Variants in SPATA13 observed in about 807,000 individuals in gnomAD.
SPATA13 encodes the protein spermatogenesis associated 13.
A neutral mutation model predicts 104.0 loss-of-function variants in SPATA13; 50 were observed. The ratio of observed to expected loss-of-function variants is 0.48; its 90% CI spans 0.38 to 0.61. The LOEUF is 0.61. SPATA13 is among the 20% of genes least tolerant of loss of function. SPATA13 has a pLI of 0.00. For missense variants in SPATA13, 1,524 were observed against 1,690.6 expected, an observed-to-expected ratio of 0.90 and a Z score of 1.73; for synonymous variants, 606 against 667.5, an observed-to-expected ratio of 0.91 and a Z score of 1.42.
chr13:24,264,959 G>GA (rs1874227262), intron 4 of SPATA13, among the ~76,000 whole-genome samples: 1 of 152,230 alleles, frequency 6.6e-6, no homozygotes, highest in African/African-American at 2.4e-5. Flanking sequence ...GGTGAATGAT[G>GA]AAGGGGTTCA....
In SPATA13 at chr13:24,054,111, G is replaced by A. The variant is rs536548328; in HGVS notation, c.-112+36410G>A. 6.0e-3 allele frequency among the ~76,000 whole-genome samples: 913 copies of A among 152,108 alleles called. 16 individuals are homozygous for A. Among genetic ancestry groups the A allele is most frequent in the African/African-American group, 0.019 (799 of 41,492 alleles). ...ATGGAGAGGGCAGCATGGAGGAGGAGGTGAAGAAGCCCACAAAGAGGAGTC... is the reference window on the plus strand; with the variant it reads ...ATGGAGAGGGCAGCATGGAGGAGGAAGTGAAGAAGCCCACAAAGAGGAGTC... On this transcript the variant is annotated intron_variant, in intron 3 of 14. Coordinates refer to the SPATA13 transcript ENST00000424834.
intron 3 of SPATA13, among the ~76,000 whole-genome samples, chr13:24,018,591 G>A (rs1340645518): frequency 6.6e-6 from 1 of 152,214 alleles, no homozygotes; most frequent in Admixed American, 6.5e-5. Flanking sequence ...CGCATTAATA[G>A]CCAATGATGA....
chr13:24,018,291 A>G (rs576079374), intron 3 of SPATA13, among the ~76,000 whole-genome samples: 23 of 152,316 alleles, frequency 1.5e-4, no homozygotes, highest in Middle Eastern at 3.4e-3. Flanking sequence ...TCATAGTTGT[A>G]AGGTCAAAAT....
At position 24,223,522 on chromosome 13, in the gene SPATA13, A is replaced by C. The variant is rs1593434974; in HGVS notation, c.593A>C (p.His198Pro). ...DTDDAFQRST[H>P]RSRSLRRAYG... ...GACGATGCCTTCCAGCGGAGCACAC[A>C]CCGCTCCCGCAGCCTCCGCAGAGCC... Residue 198 changes from histidine (H) to proline (P), a missense_variant, in exon 2 of 13, where the codon CAC becomes CCC. Physicochemically the swap from His to Pro is moderately conservative, Grantham distance 77 (BLOSUM62 -2). Transcript: ENST00000382108. 6.5e-7 allele frequency: 1 copy of C among 1,548,282 alleles called. No individual in the cohort carries two copies. The highest frequency in any genetic ancestry group is 8.7e-7 in the Non-Finnish European group (1 of 1,146,952).
chr13:24,249,800 T>C lies in SPATA13; in HGVS notation c.1977T>C (p.Tyr659=). 6.2e-7 allele frequency: 1 copy of C among 1,613,292 alleles called. No homozygotes were observed. The highest frequency in any genetic ancestry group is 1.1e-5 in the South Asian group (1 of 91,042). The change falls in exon 3 of 13, where the codon TAT becomes TAC. Residue 659 remains tyrosine (Y), a synonymous_variant. Coordinates refer to ENST00000382108, the MANE Select transcript of SPATA13 (RefSeq NM_001166271.3). ...CCGTGATAGGTGGGGTCAGCTTGTA[T>C]GGGACCAACCAGACGGAGGAACTGG... ...PISVIGGVSL[Y]GTNQTEELDN...
chr13:24,133,926 G>A (rs1260940542), intron 3 of SPATA13, among the ~76,000 whole-genome samples: 3 of 152,226 alleles, frequency 2.0e-5, no homozygotes, highest in Non-Finnish European at 4.4e-5. Flanking sequence ...CCAGAGTGGG[G>A]GTTTCGTGAG....
At chr13:24,147,731 T>G (rs1881977868) in intron 3 of SPATA13, among the ~76,000 whole-genome samples, 1 of 151,930 alleles carries the variant, frequency 6.6e-6, no homozygotes, top group South Asian at 2.1e-4. Flanking sequence ...TGAAACCCTG[T>G]ACCCATTAAA....
intron 3 of SPATA13, among the ~76,000 whole-genome samples, chr13:24,022,997 C>T (rs894370001): frequency 6.6e-5 from 10 of 151,998 alleles, no homozygotes; most frequent in African/African-American, 1.9e-4. Context: ...CGTGCAAGCT[C>T]GTTACATAGG....
At chr13:24,041,297 T>C (rs534551041) in intron 3 of SPATA13, among the ~76,000 whole-genome samples, 10 of 152,244 alleles carry the variant, frequency 6.6e-5, no homozygotes, top group Non-Finnish European at 1.2e-4. Context: ...ACAAAGGACG[T>C]TTCAACCTGA....
intron 1 of SPATA13, among the ~76,000 whole-genome samples, chr13:24,174,704 G>C (rs567213854): frequency 4.5e-4 from 68 of 152,228 alleles, no homozygotes; most frequent in African/African-American, 1.6e-3. Context: ...AGTCTCCCAA[G>C]TAGCTGGGAC....
chr13:24,128,103 A>G (rs2137831776), intron 3 of SPATA13, among the ~76,000 whole-genome samples: 1 of 152,166 alleles, frequency 6.6e-6, no homozygotes, highest in East Asian at 1.9e-4. Flanking sequence ...TGAGCCTCTG[A>G]CATATCAACT....
At chr13:24,269,689 C>T (rs1013482706) in intron 4 of SPATA13, among the ~76,000 whole-genome samples, 5 of 151,854 alleles carry the variant, frequency 3.3e-5, no homozygotes, top group Admixed American at 6.6e-5. Flanking sequence ...CCACCTCAGC[C>T]TCCTGAGTAG....
intron 4 of SPATA13, among the ~76,000 whole-genome samples, chr13:24,268,302 A>T (rs1317461638): frequency 2.0e-5 from 3 of 152,186 alleles, no homozygotes; most frequent in Non-Finnish European, 4.4e-5. Flanking sequence ...TACTTAGGAG[A>T]CTTTACACGA....
intron 2 of SPATA13, among the ~76,000 whole-genome samples, chr13:24,009,464 GT>G (rs1181076161): frequency 1.3e-5 from 2 of 152,194 alleles, no homozygotes; most frequent in African/African-American, 4.8e-5. Context: ...CTACAGCCTA[GT>G]TTTATACATT....
At chr13:24,258,702 T>C (rs372601879) in intron 4 of SPATA13, among the ~76,000 whole-genome samples, 68 of 152,054 alleles carry the variant, frequency 4.5e-4, no homozygotes, top group African/African-American at 1.6e-3. Flanking sequence ...AAGTTAGAGA[T>C]ATGAGTGAGG....
intron 2 of SPATA13, among the ~76,000 whole-genome samples, chr13:23,999,617 G>C (rs1027536437): frequency 8.6e-5 from 13 of 151,956 alleles, no homozygotes; most frequent in Non-Finnish European, 5.9e-5. Context: ...TCTTCTGCCT[G>C]AGCTGCAGCC....
chr13:24,256,838 A>G (rs1444265663), intron 4 of SPATA13, among the ~76,000 whole-genome samples: 1 of 152,246 alleles, frequency 6.6e-6, no homozygotes, highest in Non-Finnish European at 1.5e-5. Flanking sequence ...TTGGAGCCTT[A>G]TCGGAGGGAA....
chr13:24,116,769 GCCCC>G (rs68080717), intron 3 of SPATA13, among the ~76,000 whole-genome samples: 3 of 141,398 alleles, frequency 2.1e-5, no homozygotes, highest in East Asian at 2.0e-4. Flanking sequence ...AGCCCTACCA[GCCCC>G]CCCCCCCCAA....
intron 1 of SPATA13, among the ~76,000 whole-genome samples, chr13:24,186,417 C>T (rs923252548): frequency 3.3e-5 from 5 of 152,086 alleles, no homozygotes; most frequent in Non-Finnish European, 7.3e-5. Flanking sequence ...TGTTTGCTGG[C>T]GACTGATAAT....
Sources: allele counts gnomAD v4.1 joint callset (sites outside exome capture counted in the v4.1 genomes callset), GRCh38; gene constraint gnomAD v4.1.1; transcripts MANE v1.5; gene names NCBI Gene and HGNC (gene_info 2026-07-23, HGNC 2026-07-21).